Variants in RNGTT observed in about 807,000 individuals in gnomAD.
RNGTT encodes the protein mRNA-capping enzyme.
Under a neutral mutation model 79.3 loss-of-function variants are expected in RNGTT, and 33 were observed. The ratio of observed to expected loss-of-function variants is 0.42; its 90% CI spans 0.32 to 0.56. The LOEUF (loss-of-function observed/expected upper bound fraction) is 0.56, where lower values mean the gene tolerates loss of function less well. RNGTT is among the 20% of genes least tolerant of loss of function. The pLI is 0.17. For missense variants in RNGTT, 497 were observed against 739.1 expected, an observed-to-expected ratio of 0.67 and a Z score of 3.80; for synonymous variants, 222 against 235.9, an observed-to-expected ratio of 0.94 and a Z score of 0.54.
chr6:88,743,210 A>T (rs1288268206), intron 13 of RNGTT, among the ~76,000 whole-genome samples: 1 of 152,182 alleles, frequency 6.6e-6, no homozygotes, highest in Non-Finnish European at 1.5e-5. Context: ...TATAACAAGG[A>T]TTTGTTTGAA....
At chr6:88,691,447 A>C (rs1307340145) in intron 13 of RNGTT, among the ~76,000 whole-genome samples, 1 of 152,238 alleles carries the variant, frequency 6.6e-6, no homozygotes, top group Non-Finnish European at 1.5e-5. Context: ...AGAACAAACT[A>C]ATACAGTTAT....
At chr6:88,624,401 GAATAGAGAGCTCACAAATAAATCC>G (rs1772549654) in intron 14 of RNGTT, among the ~76,000 whole-genome samples, 1 of 151,898 alleles carries the variant, frequency 6.6e-6, no homozygotes, top group Admixed American at 6.6e-5. Context: ...CAGTGAAACA[GAATAGAGAGCTCACAAATAAATCC>G]ACAAATATAA....
intron 11 of RNGTT, among the ~76,000 whole-genome samples, chr6:88,810,252 A>T (rs183707158): frequency 4.6e-5 from 7 of 152,196 alleles, no homozygotes; most frequent in Non-Finnish European, 8.8e-5. Context: ...CTAAGACCGG[A>T]CTTCACTGAA....
At chr6:88,631,946 G>C (rs2127769646) in intron 14 of RNGTT, among the ~76,000 whole-genome samples, 1 of 152,074 alleles carries the variant, frequency 6.6e-6, no homozygotes, top group Non-Finnish European at 1.5e-5. Flanking sequence ...AGAGTACCAA[G>C]TCCACCTAGG....
chr6:88,652,540 T>TA (rs1405434453), intron 14 of RNGTT, among the ~76,000 whole-genome samples: 1 of 152,184 alleles, frequency 6.6e-6, no homozygotes, highest in African/African-American at 2.4e-5. Flanking sequence ...AGATGTCACT[T>TA]ACAGCAGCAA....
rs144826163 is a variant in RNGTT at position 88,720,998 on chromosome 6, C to T, written c.1440-42579G>A. Among the ~76,000 whole-genome samples the T allele has an allele frequency of 1.9e-4, 29 of 152,094 alleles. No homozygotes were observed. The East Asian group carries it at 5.4e-3, about 28-fold the overall frequency. ...CTCTACTTCTTTCCTCTCTTGTGGT[C>T]CCAAGACACATTCTCTTCTGAACCT... is the stretch of plus-strand genomic sequence containing the variant. On this transcript the variant is annotated intron_variant, in intron 13 of 15. Coordinates refer to ENST00000369485, the MANE Select transcript of RNGTT (RefSeq NM_003800.5).
At chr6:88,769,282 T>G (rs569243429) in intron 13 of RNGTT, among the ~76,000 whole-genome samples, 1 of 152,110 alleles carries the variant, frequency 6.6e-6, no homozygotes, top group South Asian at 2.1e-4. Flanking sequence ...CACCTCAGCC[T>G]CCCGAGTAGC....
At chr6:88,727,536 C>A (rs1430081760) in intron 13 of RNGTT, among the ~76,000 whole-genome samples, 1 of 152,130 alleles carries the variant, frequency 6.6e-6, no homozygotes, top group Non-Finnish European at 1.5e-5. Flanking sequence ...CTATAAAAAT[C>A]TTACTTTATG....
chr6:88,929,841 T>TAC (rs1784431304), intron 2 of RNGTT, among the ~76,000 whole-genome samples: 1 of 150,282 alleles, frequency 6.7e-6, no homozygotes, highest in Non-Finnish European at 1.5e-5. Flanking sequence ...CATATACATA[T>TAC]ACACACATAT....
intron 11 of RNGTT, among the ~76,000 whole-genome samples, chr6:88,812,550 G>A (rs1203545468): frequency 3.9e-5 from 6 of 152,198 alleles, no homozygotes; most frequent in Non-Finnish European, 8.8e-5. Flanking sequence ...AGATGTAAAA[G>A]AGTTTACTCC....
At chr6:88,706,451 C>T (rs1450091609) in intron 13 of RNGTT, among the ~76,000 whole-genome samples, 1 of 151,868 alleles carries the variant, frequency 6.6e-6, no homozygotes, top group East Asian at 1.9e-4. Flanking sequence ...CTTAGGGATA[C>T]AAAGAACTGG....
At chr6:88,824,314 C>T (rs1417866576) in intron 11 of RNGTT, among the ~76,000 whole-genome samples, 4 of 152,168 alleles carry the variant, frequency 2.6e-5, no homozygotes, top group African/African-American at 9.7e-5. Flanking sequence ...ATACTCTGTA[C>T]TGAATACCGT....
chr6:88,830,246 C>T (rs1006644062), intron 11 of RNGTT, among the ~76,000 whole-genome samples: 6 of 152,064 alleles, frequency 3.9e-5, no homozygotes, highest in Non-Finnish European at 5.9e-5. Context: ...ACTCAAAAAC[C>T]GCACAACTAC....
chr6:88,863,767 A>T (rs541123079), intron 8 of RNGTT, among the ~76,000 whole-genome samples: 4 of 152,132 alleles, frequency 2.6e-5, no homozygotes, highest in Non-Finnish European at 5.9e-5. Context: ...AATTTTTTCC[A>T]AACTACTCAA....
intron 8 of RNGTT, among the ~76,000 whole-genome samples, chr6:88,869,948 T>C (rs1457014260): frequency 1.3e-5 from 2 of 152,150 alleles, no homozygotes; most frequent in East Asian, 1.9e-4. Context: ...CTAAATGCCA[T>C]TCTAGATAAT....
intron 13 of RNGTT, among the ~76,000 whole-genome samples, chr6:88,717,956 C>T (rs1776577518): frequency 6.6e-6 from 1 of 152,094 alleles, no homozygotes; most frequent in Non-Finnish European, 1.5e-5. Context: ...TCAGTGAAGA[C>T]CAAGAGGAGA....
At position 88,762,292 on chromosome 6, in the gene RNGTT, G is replaced by T. The variant is rs139079569; in HGVS notation, c.1439+7482C>A. On this transcript the variant is annotated intron_variant, in intron 13 of 15. Transcript: ENST00000369485. ...CCACGGAATAAGGGTCATTATGCTA[G>T]GAAAGGCCAAATAAAAGCCCCTTCA... Among the ~76,000 whole-genome samples, 6 of 152,272 alleles carry T rather than the reference G, an allele frequency of 3.9e-5. No individual in the cohort carries two copies. The East Asian group carries it at 5.8e-4, about 15-fold the overall frequency.
chr6:88,866,360 C>T (rs1300176133), intron 8 of RNGTT, among the ~76,000 whole-genome samples: 1 of 152,046 alleles, frequency 6.6e-6, no homozygotes. Flanking sequence ...TTTCCTAAGG[C>T]ACAAGAAAAA....
In RNGTT at chr6:88,782,093, T is replaced by C. The variant is rs569642475; in HGVS notation, c.1339-12219A>G. 9.9e-5 allele frequency among the ~76,000 whole-genome samples: 15 copies of C among 152,172 alleles called. No homozygotes were observed. In the South Asian group the frequency reaches 2.3e-3, roughly 23 times the overall value. On this transcript the variant is annotated intron_variant, in intron 12 of 15. Coordinates refer to ENST00000369485, the MANE Select transcript of RNGTT (RefSeq NM_003800.5). ...TCCTCTCTAGTTTTATCCCCTACTA[T>C]GCCCTTTACACAGAATAATTAAGGC... is the stretch of plus-strand genomic sequence containing the variant.
Sources: gnomAD v4.1 joint callset for allele counts (sites outside exome capture counted in the v4.1 genomes callset) on GRCh38, gnomAD v4.1.1 for gene constraint, MANE v1.5 for transcripts, NCBI Gene and HGNC (gene_info 2026-07-23, HGNC 2026-07-21) for gene names.